The following TANC1 variants were observed in gnomAD, a reference collection of about 807,000 sequenced individuals.
TANC1 encodes the protein protein TANC1.
In TANC1, 77 loss-of-function variants were observed where a neutral mutation model predicts 149.7. The ratio of observed to expected loss-of-function variants is 0.51; its 90% CI spans 0.43 to 0.62. The LOEUF (loss-of-function observed/expected upper bound fraction) is 0.62. Among genes scored for constraint, TANC1 ranks in the 20% least tolerant of loss-of-function variants. The pLI is 0.00. For missense variants in TANC1, 1,985 were observed against 2,321.8 expected, an observed-to-expected ratio of 0.85 and a Z score of 2.98; for synonymous variants, 854 against 925.0, an observed-to-expected ratio of 0.92 and a Z score of 1.39.
intron 19 of TANC1, among the ~76,000 whole-genome samples, chr2:159,200,310 G>A (rs1223513729): frequency 6.6e-6 from 1 of 152,148 alleles, no homozygotes; most frequent in African/African-American, 2.4e-5. Flanking sequence ...TCACTAGGGG[G>A]AAAGCCCAGG....
intron 3 of TANC1, among the ~76,000 whole-genome samples, chr2:159,077,139 G>A (rs1030871530): frequency 2.0e-5 from 3 of 152,032 alleles, no homozygotes; most frequent in Admixed American, 6.5e-5. Context: ...GCTCACTGTA[G>A]CCTCTAACTT....
intron 19 of TANC1, among the ~76,000 whole-genome samples, chr2:159,209,809 T>C (rs935713881): frequency 2.6e-5 from 4 of 152,228 alleles, no homozygotes; most frequent in East Asian, 3.8e-4. Context: ...CCATCGGGCC[T>C]GCCACTGAGG....
chr2:159,065,254 C>T (rs891465530), intron 2 of TANC1, among the ~76,000 whole-genome samples: 4 of 152,190 alleles, frequency 2.6e-5, no homozygotes, highest in African/African-American at 9.7e-5. Context: ...CGTAGTGCCA[C>T]AGGCCTGTTC....
intron 2 of TANC1, among the ~76,000 whole-genome samples, chr2:159,008,813 C>T (rs1008820327): frequency 2.6e-5 from 4 of 152,060 alleles, no homozygotes; most frequent in African/African-American, 4.8e-5. Flanking sequence ...ACAAAGTATT[C>T]GGTTGATCTA....
chr2:159,188,107 T>C (rs965953520), intron 16 of TANC1, among the ~76,000 whole-genome samples: 12 of 152,182 alleles, frequency 7.9e-5, no homozygotes, highest in Non-Finnish European at 1.3e-4. Context: ...TCTCCGAAAT[T>C]ATTTCTATAA....
At chr2:159,175,560 A>G (rs71423009) in intron 12 of TANC1, among the ~76,000 whole-genome samples, 11,478 of 152,290 alleles carry the variant, frequency 0.075, 644 homozygotes, top group Middle Eastern at 0.17. Flanking sequence ...TCCAGCATAT[A>G]TATTTGTCAG....
At chr2:159,014,376 G>A (rs1012399289) in intron 2 of TANC1, among the ~76,000 whole-genome samples, 1 of 152,194 alleles carries the variant, frequency 6.6e-6, no homozygotes, top group African/African-American at 2.4e-5. Context: ...CAGTATGGGG[G>A]AAACTGCCCC....
intron 19 of TANC1, among the ~76,000 whole-genome samples, chr2:159,211,358 A>G (rs1397924562): frequency 2.6e-5 from 4 of 152,186 alleles, no homozygotes; most frequent in Admixed American, 6.5e-5. Context: ...GTTCACGTTG[A>G]TTTTTGAGCT....
chr2:159,055,824 G>A (rs2041806768), intron 2 of TANC1, among the ~76,000 whole-genome samples: 1 of 152,182 alleles, frequency 6.6e-6, no homozygotes, highest in Admixed American at 6.5e-5. Context: ...ACCATCCCTG[G>A]ATGGTTCTTG....
intron 2 of TANC1, among the ~76,000 whole-genome samples, chr2:159,055,262 A>C (rs1027992901): frequency 6.6e-6 from 1 of 152,272 alleles, no homozygotes; most frequent in Admixed American, 6.5e-5. Flanking sequence ...GACCACGATC[A>C]GACTGTGGTT....
chr2:159,098,645 G>C (rs532428337), intron 4 of TANC1, among the ~76,000 whole-genome samples: 1 of 152,164 alleles, frequency 6.6e-6, no homozygotes, highest in East Asian at 1.9e-4. Flanking sequence ...TTGTAAAGGG[G>C]GGTGGGGGAA....
chr2:159,125,497 A>C (rs2150123120), intron 4 of TANC1, among the ~76,000 whole-genome samples: 1 of 152,250 alleles, frequency 6.6e-6, no homozygotes, highest in South Asian at 2.1e-4. Flanking sequence ...TCAGGGGATG[A>C]ACCACTTCCA....
chr2:159,149,518 A>G (rs1331683070), intron 6 of TANC1: 3 of 496,642 alleles, frequency 6.0e-6, no homozygotes, highest in African/African-American at 3.9e-5. Context: ...CCCAGAGAAT[A>G]ATGGCCACAT....
chr2:159,002,710 C>CT (rs2036730123), intron 2 of TANC1, among the ~76,000 whole-genome samples: 1 of 152,166 alleles, frequency 6.6e-6, no homozygotes, highest in Non-Finnish European at 1.5e-5. Context: ...CTGTTACCTT[C>CT]ATGTGTTTAC....
intron 4 of TANC1, among the ~76,000 whole-genome samples, chr2:159,132,937 G>T (rs898474790): frequency 3.3e-5 from 5 of 152,166 alleles, no homozygotes; most frequent in African/African-American, 4.8e-5. Context: ...GCACGTGGAT[G>T]CTTTCTGAAG....
chr2:159,196,597 C>G lies in TANC1; in HGVS notation c.2980-11C>G, dbSNP rs142180911. 2.2e-4 allele frequency: 354 copies of G among 1,592,118 alleles called. No individual in the cohort carries two copies. In the African/African-American group the frequency reaches 4.2e-3, roughly 19 times the overall value. Reference sequence around the variant, plus strand: ...TGCTCAGCTGTAACCTTCCCCTACTCCTGCCCCCAGGTGGACCACTTGGAT... The same window carrying G: ...TGCTCAGCTGTAACCTTCCCCTACTGCTGCCCCCAGGTGGACCACTTGGAT... On this transcript the variant is annotated splice_polypyrimidine_tract_variant and intron_variant, in intron 17 of 26. Transcript: ENST00000263635.
chr2:159,013,083 C>T (rs2037929355), intron 2 of TANC1, among the ~76,000 whole-genome samples: 1 of 152,132 alleles, frequency 6.6e-6, no homozygotes, highest in Admixed American at 6.5e-5. Flanking sequence ...GAAGACAATT[C>T]ATTAATTGTT....
chr2:159,116,458 A>ACAG (rs1559289067), intron 4 of TANC1, among the ~76,000 whole-genome samples: 2 of 148,696 alleles, frequency 1.3e-5, no homozygotes, highest in African/African-American at 2.5e-5. Context: ...CAACAACAAA[A>ACAG]AAAAAAAAAC....
chr2:159,113,091 C>T (rs548908581), intron 4 of TANC1, among the ~76,000 whole-genome samples: 11 of 152,174 alleles, frequency 7.2e-5, no homozygotes, highest in South Asian at 4.2e-4. Flanking sequence ...TGTGTCACTA[C>T]GCGTGGCTAA....
Sources: gnomAD v4.1 joint callset for allele counts (sites outside exome capture counted in the v4.1 genomes callset) on GRCh38, gnomAD v4.1.1 for gene constraint, MANE v1.5 for transcripts, NCBI Gene and HGNC (gene_info 2026-07-23, HGNC 2026-07-21) for gene names.